ACVR1: variants seen among roughly 807,000 people sequenced by gnomAD.
ACVR1 encodes the protein activin receptor type-1.
Under a neutral mutation model 57.1 loss-of-function variants are expected in ACVR1, and 38 were observed. The ratio of observed to expected loss-of-function variants is 0.67; its 90% CI spans 0.51 to 0.87. The LOEUF is 0.87. ACVR1 is among the 40% of genes least tolerant of loss of function. The pLI is 0.00. For missense variants in ACVR1, 463 were observed against 638.2 expected (o/e 0.73, Z 2.96); for synonymous variants, 212 against 228.1 (o/e 0.93, Z 0.63).
chr2:157,798,860 A>G (rs770313193), intron 3 of ACVR1, among the ~76,000 whole-genome samples: 4 of 151,538 alleles, frequency 2.6e-5, no homozygotes, highest in African/African-American at 4.8e-5. Context: ...TTTATTGTTA[A>G]TTACAGAATT....
At chr2:157,763,754 G>T (rs776078966) in intron 8 of ACVR1, among the ~76,000 whole-genome samples, 6 of 152,096 alleles carry the variant, frequency 3.9e-5, no homozygotes, top group Non-Finnish European at 7.4e-5. Context: ...ATTAATCATA[G>T]AACACTATTT....
intron 2 of ACVR1, among the ~76,000 whole-genome samples, chr2:157,802,996 G>A (rs1438546653): frequency 6.6e-6 from 1 of 151,940 alleles, no homozygotes; most frequent in Non-Finnish European, 1.5e-5. Flanking sequence ...CACACAGAGA[G>A]ACCTGCAAAG....
intron 1 of ACVR1, among the ~76,000 whole-genome samples, chr2:157,828,828 A>G (rs6718492): frequency 0.78 from 118,087 of 151,682 alleles, 46,577 homozygotes; most frequent in South Asian, 0.87. Flanking sequence ...GTGCAGTGGC[A>G]CAATCTTGGC....
At chr2:157,787,711 C>T (rs1031461248) in intron 3 of ACVR1, among the ~76,000 whole-genome samples, 1 of 152,148 alleles carries the variant, frequency 6.6e-6, no homozygotes, top group Admixed American at 6.5e-5. Context: ...CCCACCTCCT[C>T]GGGCTAACCA....
chr2:157,790,604 C>T (rs1220728563), intron 3 of ACVR1, among the ~76,000 whole-genome samples: 2 of 152,196 alleles, frequency 1.3e-5, no homozygotes, highest in East Asian at 1.9e-4. Context: ...TGTTTTGTCA[C>T]TGTTAATATC....
At chr2:157,771,804 G>A (rs1198485300) in intron 6 of ACVR1, among the ~76,000 whole-genome samples, 1 of 152,164 alleles carries the variant, frequency 6.6e-6, no homozygotes, top group African/African-American at 2.4e-5. Context: ...TGGCTAACAA[G>A]TGCTCATTGT....
intron 5 of ACVR1, among the ~76,000 whole-genome samples, chr2:157,776,947 C>T (rs560494738): frequency 7.2e-5 from 11 of 152,322 alleles, no homozygotes; most frequent in Middle Eastern, 6.8e-3. Flanking sequence ...TTCAATTAAT[C>T]GGATTGTGAC....
chr2:157,832,635 TG>T (rs149774447), intron 1 of ACVR1, among the ~76,000 whole-genome samples: 2,689 of 152,340 alleles, frequency 0.018, 40 homozygotes, highest in African/African-American at 0.044. Context: ...TCTCCTCAAG[TG>T]TCACTCAGCA....
intron 5 of ACVR1, among the ~76,000 whole-genome samples, chr2:157,777,740 T>C (rs61219853): frequency 0.016 from 2,371 of 152,256 alleles, 79 homozygotes; most frequent in African/African-American, 0.054. Flanking sequence ...AGAAAGGAAA[T>C]TAATATTTAA....
chr2:157,761,234 T>C (rs1685641512), intron 8 of ACVR1, among the ~76,000 whole-genome samples, 157 bp from the exon 9 acceptor site: 1 of 152,210 alleles, frequency 6.6e-6, no homozygotes, highest in Non-Finnish European at 1.5e-5. Flanking sequence ...CCCTTTGTGA[T>C]TATTTCCGGG....
chr2:157,748,750 G>GA (rs1432070253), intron 9 of ACVR1, among the ~76,000 whole-genome samples: 1 of 151,484 alleles, frequency 6.6e-6, no homozygotes, highest in African/African-American at 2.4e-5. Context: ...CTGCTATTAG[G>GA]AAAAAAAACC....
At chr2:157,838,741 C>G (rs1359171619) in intron 1 of ACVR1, among the ~76,000 whole-genome samples, 2 of 152,190 alleles carry the variant, frequency 1.3e-5, no homozygotes, top group Non-Finnish European at 2.9e-5. Flanking sequence ...TTCCTCTCCT[C>G]TGCTTGCTGC....
rs571634123 is a variant in ACVR1 at position 157,853,188 on chromosome 2, G to C, written c.-183+22608C>G. ...CCCAAAAAATAAATAGATTGTATTAGTCTACTCAGGCTGCCATAATAAAAC... is the reference window on the plus strand; with the variant it reads ...CCCAAAAAATAAATAGATTGTATTACTCTACTCAGGCTGCCATAATAAAAC... On this transcript the variant is annotated intron_variant, in intron 1 of 10. Transcript: ENST00000434821. Among the ~76,000 whole-genome samples the C allele has an allele frequency of 2.6e-5, 4 of 152,214 alleles. No individual in the cohort carries two copies. In the South Asian group the frequency reaches 8.3e-4, roughly 32 times the overall value.
chr2:157,743,778 T>G (rs1174524265), intron 9 of ACVR1, among the ~76,000 whole-genome samples: 2 of 151,724 alleles, frequency 1.3e-5, no homozygotes, highest in African/African-American at 4.9e-5. Flanking sequence ...TCAGGTCAAG[T>G]GTTCTGTCAA....
intron 9 of ACVR1, among the ~76,000 whole-genome samples, chr2:157,758,736 C>G (rs1685524944): frequency 2.0e-5 from 3 of 151,998 alleles, no homozygotes; most frequent in Non-Finnish European, 4.4e-5. Flanking sequence ...TATCCAACAG[C>G]TACAGACTAC....
intron 9 of ACVR1, among the ~76,000 whole-genome samples, chr2:157,745,140 G>C (rs1022465221): frequency 1.3e-5 from 2 of 152,206 alleles, no homozygotes. Context: ...CACAGCAAAA[G>C]TAAATGGTTT....
At chr2:157,858,751 G>A (rs1689624747) in intron 1 of ACVR1, among the ~76,000 whole-genome samples, 1 of 152,154 alleles carries the variant, frequency 6.6e-6, no homozygotes, top group African/African-American at 2.4e-5. Context: ...CCAAAGTGCT[G>A]GGATTACAGG....
chr2:157,792,590 T>C (rs1686959230), intron 3 of ACVR1, among the ~76,000 whole-genome samples: 1 of 152,236 alleles, frequency 6.6e-6, no homozygotes, highest in South Asian at 2.1e-4. Flanking sequence ...AGTGAACCCT[T>C]GAAGCAGACT....
chr2:157,817,103 G>A (rs565213453), intron 2 of ACVR1, among the ~76,000 whole-genome samples: 2 of 151,966 alleles, frequency 1.3e-5, no homozygotes, highest in African/African-American at 2.4e-5. Flanking sequence ...GGGAATACAC[G>A]AACCTGCCAA....
Sources: allele counts gnomAD v4.1 joint callset (sites outside exome capture counted in the v4.1 genomes callset), GRCh38; gene constraint gnomAD v4.1.1; transcripts MANE v1.5; gene names NCBI Gene and HGNC (gene_info 2026-07-23, HGNC 2026-07-21).